MAN2B2: variants seen among roughly 807,000 people sequenced by gnomAD.
MAN2B2 encodes epididymis-specific alpha-mannosidase.
In MAN2B2, 106 loss-of-function variants were observed where a neutral mutation model predicts 117.1. The observed-to-expected ratio is 0.90, with a 90% CI of 0.77 to 1.06. MAN2B2 has a LOEUF of 1.06. MAN2B2 is among the 50% of genes least tolerant of loss of function. The pLI is 0.00. For missense variants in MAN2B2, 1,326 were observed against 1,381.4 expected (o/e 0.96, Z 0.64); for synonymous variants, 544 against 595.1 (o/e 0.91, Z 1.25).
At chr4:6,583,430 C>A (rs1390033283) in intron 3 of MAN2B2, among the ~76,000 whole-genome samples, 1 of 152,148 alleles carries the variant, frequency 6.6e-6, no homozygotes, top group African/African-American at 2.4e-5. Context: ...GGTTCTGTTA[C>A]TAAAAGGAAG....
chr4:6,597,500 C>A (rs148645422), intron 8 of MAN2B2, among the ~76,000 whole-genome samples, 197 bp downstream of exon 8: 1 of 152,372 alleles, frequency 6.6e-6, no homozygotes, highest in African/African-American at 2.4e-5. Context: ...CCTGATCCAT[C>A]CAGCTGGTGG....
At chr4:6,585,852 C>T (rs968130818) in intron 3 of MAN2B2, among the ~76,000 whole-genome samples, 3 of 152,120 alleles carry the variant, frequency 2.0e-5, no homozygotes, top group Non-Finnish European at 4.4e-5. Context: ...GCAGCTGGCC[C>T]CCAGAGCAGC....
At chr4:6,593,466 C>G in intron 6 of MAN2B2, 116 bp downstream of exon 6, 1 of 1,009,614 alleles carries the variant, frequency 9.9e-7, no homozygotes, top group Non-Finnish European at 1.4e-6. Flanking sequence ...CCATGCTCAG[C>G]CCAGTGGCTC....
At chr4:6,576,766 G>A in intron 2 of MAN2B2, 42 bp downstream of exon 2, 2 of 1,605,288 alleles carry the variant, frequency 1.2e-6, no homozygotes, top group Non-Finnish European at 1.7e-6. Context: ...CAGTATCCTG[G>A]CAAAGACCCA....
rs182266362 is a variant in MAN2B2 at position 6,576,551 on chromosome 4, G to A, written c.139-27G>A. ...GGACACTTGGTCTTGTTGGACCGGG[G>A]CTGGCATGATGCTGTCCCCTCCCCA... On this transcript the variant is annotated intron_variant, in intron 1 of 18. Transcript: ENST00000285599. 1.2e-4 allele frequency: 195 copies of A among 1,602,054 alleles called. No individual in the cohort carries two copies. The East Asian group carries it at 3.3e-3, about 27-fold the overall frequency.
At chr4:6,608,736 C>G (rs1443535735) in intron 11 of MAN2B2, among the ~76,000 whole-genome samples, 1 of 152,182 alleles carries the variant, frequency 6.6e-6, no homozygotes, top group African/African-American at 2.4e-5. Context: ...GGGGTCTGTA[C>G]ACATGGGTGT....
intron 17 of MAN2B2, chr4:6,618,381 G>A (rs1253033071): frequency 6.6e-6 from 1 of 152,240 alleles, no homozygotes; most frequent in Non-Finnish European, 1.5e-5. Flanking sequence ...TTTGAAAGGT[G>A]ACTTAGAGTC....
chr4:6,579,168 CCACCACCACCATCACCATCACCAG>C (rs1726251557), intron 3 of MAN2B2, among the ~76,000 whole-genome samples: 18 of 73,788 alleles, frequency 2.4e-4, no homozygotes, highest in Admixed American at 1.1e-3. Flanking sequence ...ATCACCACCA[CCACCACCACCATCACCATCACCAG>C]CACCACCACC....
At chr4:6,580,920 G>A (rs999358453) in intron 3 of MAN2B2, among the ~76,000 whole-genome samples, 2 of 152,162 alleles carry the variant, frequency 1.3e-5, no homozygotes, top group African/African-American at 4.8e-5. Flanking sequence ...AGCTGAGGCT[G>A]TGTCGCTCTG....
intron 3 of MAN2B2, among the ~76,000 whole-genome samples, chr4:6,579,514 CCAT>C (rs1339860714): frequency 6.6e-6 from 1 of 150,702 alleles, no homozygotes; most frequent in African/African-American, 2.4e-5. Context: ...ATCATAACTA[CCAT>C]CACCACCACC....
At chr4:6,604,992 G>A (rs1024203065) in intron 10 of MAN2B2, 63 bp from the exon 11 acceptor site, 1 of 1,546,972 alleles carries the variant, frequency 6.5e-7, no homozygotes, top group Admixed American at 1.8e-5. Context: ...CAAGTAGTGA[G>A]CACCCCATTC....
chr4:6,578,282 G>A (rs1726146216), intron 2 of MAN2B2, 111 bp from the exon 3 acceptor site: 1 of 735,962 alleles, frequency 1.4e-6, no homozygotes, highest in Non-Finnish European at 2.3e-6. Flanking sequence ...AGTAAGCAAG[G>A]GTGGGGAGTT....
chr4:6,597,592 A>G (rs543371409), intron 8 of MAN2B2, among the ~76,000 whole-genome samples: 2 of 152,364 alleles, frequency 1.3e-5, no homozygotes, highest in African/African-American at 4.8e-5. Context: ...CCCTGCCTGC[A>G]TCCATATCTC....
At chr4:6,614,159 T>A (rs1711734345) in intron 15 of MAN2B2, 59 bp from the exon 16 acceptor site, 1 of 1,586,120 alleles carries the variant, frequency 6.3e-7, no homozygotes, top group Admixed American at 1.7e-5. Flanking sequence ...GAGCTCTGAG[T>A]GCCAGGAGGA....
chr4:6,612,352 T>C (rs1711607474), intron 15 of MAN2B2, among the ~76,000 whole-genome samples: 1 of 152,194 alleles, frequency 6.6e-6, no homozygotes, highest in African/African-American at 2.4e-5. Flanking sequence ...GCCTGGTGTT[T>C]CGTGGGTGTA....
Position 6,597,312 on chromosome 4 carries a change from A to T in MAN2B2, c.1248+9A>T, listed in dbSNP as rs1195590478. The T allele has an allele frequency of 6.6e-7, 1 of 1,524,668 alleles. No homozygotes were observed. The highest frequency in any genetic ancestry group is 1.4e-5 in the African/African-American group (1 of 71,506). 94.4% of individuals were successfully genotyped at this position (1,524,668 alleles called of 1,614,324 possible). A position where few individuals can be genotyped will look rare whatever the true frequency, so the allele number is the denominator to read the frequency against. On this transcript the variant is annotated intron_variant, in intron 8 of 18. Transcript: ENST00000285599. ...GCTGGGCCGTCTCCGAGGTAACACCACATTTAGCCACAGTGGCAGGATTGG... is the reference window on the plus strand; with the variant it reads ...GCTGGGCCGTCTCCGAGGTAACACCTCATTTAGCCACAGTGGCAGGATTGG...
intron 10 of MAN2B2, among the ~76,000 whole-genome samples, chr4:6,602,051 C>G (rs1727354105): frequency 6.6e-6 from 1 of 152,238 alleles, no homozygotes; most frequent in Non-Finnish European, 1.5e-5. Context: ...CTGTCATCCC[C>G]TCATGCACTC....
intron 12 of MAN2B2, chr4:6,609,520 G>C: frequency 1.6e-6 from 1 of 626,960 alleles, no homozygotes; most frequent in Non-Finnish European, 2.8e-6. Flanking sequence ...CTGGGAGAGA[G>C]ACCCACAGAC....
intron 3 of MAN2B2, among the ~76,000 whole-genome samples, chr4:6,578,896 CAGTA>C (rs746275245): frequency 2.6e-5 from 4 of 151,864 alleles, no homozygotes; most frequent in Non-Finnish European, 4.4e-5. Flanking sequence ...AGTAAATGCT[CAGTA>C]AGTGTTTGCT....
Sources: gnomAD v4.1 joint callset for allele counts (sites outside exome capture counted in the v4.1 genomes callset) on GRCh38, gnomAD v4.1.1 for gene constraint, MANE v1.5 for transcripts, NCBI Gene and HGNC (gene_info 2026-07-23, HGNC 2026-07-21) for gene names.